The following ARHGAP22 variants were observed in gnomAD, a reference collection of about 807,000 sequenced individuals.
ARHGAP22 encodes Rho GTPase activating protein 22.
ARHGAP22 carries 48 observed loss-of-function variants against 59.1 expected under a neutral mutation model. The ratio of observed to expected loss-of-function variants is 0.81; its 90% CI spans 0.64 to 1.03. The LOEUF (loss-of-function observed/expected upper bound fraction) is 1.03. Ranked by LOEUF, ARHGAP22 falls within the 50% of genes least tolerant of loss-of-function variation. The probability of loss-of-function intolerance (pLI) is 0.00; values close to 1 mark genes in which losing one functional copy is unlikely to be tolerated. For missense variants in ARHGAP22, 1,015 were observed against 958.7 expected, an observed-to-expected ratio of 1.06 and a Z score of -0.78; for synonymous variants, 445 against 416.4, an observed-to-expected ratio of 1.07 and a Z score of -0.84.
At chr10:48,653,910 G>A (rs75444403), upstream of ARHGAP22, among the ~76,000 whole-genome samples, 4,764 of 152,260 alleles carry the variant, frequency 0.031, 230 homozygotes, top group African/African-American at 0.1. Context: ...TAAATATTGC[G>A]TGGGACATAA....
chr10:48,635,619 G>A (rs1326286303), intron 1 of ARHGAP22, among the ~76,000 whole-genome samples: 3 of 152,246 alleles, frequency 2.0e-5, no homozygotes, highest in African/African-American at 7.2e-5. Flanking sequence ...CCCCTTCCAG[G>A]CTTATGGCAG....
intron 3 of ARHGAP22, among the ~76,000 whole-genome samples, chr10:48,543,222 C>T (rs2056129649): frequency 6.6e-6 from 1 of 152,234 alleles, no homozygotes. Flanking sequence ...GCCATTGAGC[C>T]CCGCAGAGTC....
intron 1 of ARHGAP22, among the ~76,000 whole-genome samples, chr10:48,596,274 G>A (rs1441232500): frequency 2.6e-5 from 4 of 152,164 alleles, no homozygotes; most frequent in East Asian, 3.9e-4. Flanking sequence ...GGGGCCTCCC[G>A]TATGCCCACC....
chr10:48,503,777 G>A (rs1418646375), intron 3 of ARHGAP22, among the ~76,000 whole-genome samples: 1 of 152,200 alleles, frequency 6.6e-6, no homozygotes, highest in Non-Finnish European at 1.5e-5. Context: ...GGCCTCCTGG[G>A]GTATGAGTGG....
intron 1 of ARHGAP22, among the ~76,000 whole-genome samples, chr10:48,650,121 GC>G (rs887843978): frequency 7.5e-6 from 1 of 133,610 alleles, no homozygotes; most frequent in Non-Finnish European, 1.6e-5. Flanking sequence ...GGGAGGGGAA[GC>G]CCCCTCCCCC....
At chr10:48,468,685 G>T (rs1462934364) in intron 4 of ARHGAP22, among the ~76,000 whole-genome samples, 3 of 152,174 alleles carry the variant, frequency 2.0e-5, no homozygotes, top group Non-Finnish European at 4.4e-5. Context: ...TAGTATTCAT[G>T]TTCATTTTTT....
intron 1 of ARHGAP22, among the ~76,000 whole-genome samples, chr10:48,619,561 G>T (rs1565009282): frequency 6.6e-6 from 1 of 152,150 alleles, no homozygotes; most frequent in Non-Finnish European, 1.5e-5. Flanking sequence ...ACTGATTTTT[G>T]ACAAAGGCAC....
At chr10:48,616,632 A>C (rs1225304755) in intron 1 of ARHGAP22, among the ~76,000 whole-genome samples, 1 of 152,166 alleles carries the variant, frequency 6.6e-6, no homozygotes, top group Non-Finnish European at 1.5e-5. Flanking sequence ...TAAGATTAGC[A>C]GCTAATTTCT....
At chr10:48,454,030 T>C (rs996265262) in intron 7 of ARHGAP22, 58 bp downstream of exon 7, 16 of 1,535,750 alleles carry the variant, frequency 1.0e-5, no homozygotes, top group Middle Eastern at 1.9e-4. Flanking sequence ...CGCTGTGGGG[T>C]TGGGGGAGCG....
chr10:48,534,375 C>G (rs1461890892), intron 3 of ARHGAP22, among the ~76,000 whole-genome samples: 1 of 152,196 alleles, frequency 6.6e-6, no homozygotes, highest in East Asian at 1.9e-4. Context: ...CCTGCTCTTT[C>G]CAACTTTCTT....
At chr10:48,432,779 C>G in the ARHGAP22 span, among the ~76,000 whole-genome samples, 1 of 152,316 alleles carries the variant, frequency 6.6e-6, no homozygotes, top group South Asian at 2.1e-4. Context: ...TAGTCCAGCA[C>G]TTGCTTATGA....
At chr10:48,553,564 G>A (rs139255300) in intron 3 of ARHGAP22, among the ~76,000 whole-genome samples, 41 of 152,282 alleles carry the variant, frequency 2.7e-4, no homozygotes, top group African/African-American at 8.2e-4. Context: ...TAATCTCCAC[G>A]GTCTGTTTTT....
In ARHGAP22 at chr10:48,451,124, C is replaced by T; in HGVS notation, c.1005G>A (p.Gln335=). The change falls in exon 9 of 10, where the codon CAG becomes CAA. Residue 335 remains glutamine (Q), a synonymous_variant. Transcript: ENST00000249601. ...TGCGGATGAGGACGGTCATCAGGTG[C>T]TGGACGAGGGAAGTGCCTGCCGGGA... ...VTIMEGTSLV[Q]HLMTVLIRKH... The T allele has an allele frequency of 6.4e-7, 1 of 1,552,552 alleles. No individual in the cohort carries two copies. Among genetic ancestry groups the T allele is most frequent in the Non-Finnish European group, 8.7e-7 (1 of 1,147,944 alleles).
intron 2 of ARHGAP22, among the ~76,000 whole-genome samples, chr10:48,569,434 T>A (rs927440746): frequency 5.3e-5 from 8 of 152,228 alleles, no homozygotes; most frequent in Admixed American, 2.0e-4. Context: ...CACCAATGCA[T>A]TAAGGAGCTA....
chr10:48,455,125 G>C lies in ARHGAP22; in HGVS notation c.669C>G (p.Asp223Glu). The change falls in exon 6 of 10, where the codon GAC becomes GAG. Residue 223 changes from aspartate (D) to glutamate (E), a missense_variant. Transcript: ENST00000249601. ...GEKPLFDSTT[D>E]VHTVASLLKL... is the part of the protein sequence containing the mutation. ...TCAGCAGGGAGGCCACCGTGTGCAC[G>C]TCTGTTGTGCTGTGGGGGGGAAGAG... The C allele has an allele frequency of 6.2e-7, 1 of 1,609,782 alleles. No homozygotes were observed. The highest frequency in any genetic ancestry group is 8.5e-7 in the Non-Finnish European group (1 of 1,178,138).
intron 1 of ARHGAP22, among the ~76,000 whole-genome samples, chr10:48,619,653 A>G (rs1055973658): frequency 1.3e-5 from 2 of 152,198 alleles, no homozygotes; most frequent in Non-Finnish European, 2.9e-5. Flanking sequence ...CTATGTGCAG[A>G]TAAATGAAAC....
At chr10:48,453,769 G>A (rs1203003351) in intron 7 of ARHGAP22, among the ~76,000 whole-genome samples, 1 of 152,224 alleles carries the variant, frequency 6.6e-6, no homozygotes, top group Non-Finnish European at 1.5e-5. Context: ...GGGGATACAT[G>A]AAGGGTTGGG....
intron 3 of ARHGAP22, among the ~76,000 whole-genome samples, chr10:48,522,781 GAAA>G (rs1476811140): frequency 1.3e-5 from 2 of 152,188 alleles, no homozygotes; most frequent in African/African-American, 2.4e-5. Context: ...AGAAGCTGAG[GAAA>G]CTGTTGCTCT....
the ARHGAP22 span, chr10:48,435,945 C>A: frequency 1.3e-5 from 2 of 152,354 alleles, no homozygotes; most frequent in African/African-American, 4.8e-5. Flanking sequence ...CAGCAATGTT[C>A]TAGAGTCTGG....
Sources: allele counts gnomAD v4.1 joint callset (sites outside exome capture counted in the v4.1 genomes callset), GRCh38; gene constraint gnomAD v4.1.1; transcripts MANE v1.5; gene names NCBI Gene and HGNC (gene_info 2026-07-23, HGNC 2026-07-21).